The following DHX57 variants were observed in gnomAD, a reference collection of about 807,000 sequenced individuals.
The protein encoded by DHX57 is DExH-box helicase 57.
DHX57 carries 105 observed loss-of-function variants against 156.2 expected under a neutral mutation model. The observed-to-expected ratio is 0.67, with a 90% CI of 0.57 to 0.79. DHX57 has a LOEUF of 0.79. Ranked by LOEUF, DHX57 falls within the 30% of genes least tolerant of loss-of-function variation. The probability of loss-of-function intolerance (pLI) is 0.00; values close to 1 mark genes in which losing one functional copy is unlikely to be tolerated. For missense variants in DHX57, 1,847 were observed against 1,661.9 expected, an observed-to-expected ratio of 1.11 and a Z score of -1.94; for synonymous variants, 704 against 595.6, an observed-to-expected ratio of 1.18 and a Z score of -2.65.
intron 7 of DHX57, among the ~76,000 whole-genome samples, chr2:38,856,073 T>G (rs1672879684): frequency 6.6e-6 from 1 of 152,144 alleles, no homozygotes. Context: ...ATCATGCCAC[T>G]GCACTCCAGC....
intron 12 of DHX57, among the ~76,000 whole-genome samples, chr2:38,839,921 A>G (rs1314292054): frequency 6.6e-6 from 1 of 152,184 alleles, no homozygotes; most frequent in Non-Finnish European, 1.5e-5. Flanking sequence ...CTAATTGAAA[A>G]AAGAAAACTG....
intron 12 of DHX57, among the ~76,000 whole-genome samples, chr2:38,839,438 G>A (rs1446529787): frequency 1.3e-5 from 2 of 151,614 alleles, no homozygotes; most frequent in East Asian, 3.9e-4. Flanking sequence ...TCGGCTGGGC[G>A]CGGTGGCTCA....
At chr2:38,857,019 T>C (rs1672936390) in intron 6 of DHX57, 1 of 153,510 alleles carries the variant, frequency 6.5e-6, no homozygotes, top group African/African-American at 2.4e-5. Flanking sequence ...TTAGCACATA[T>C]CCAGTTCTTC....
chr2:38,839,398 T>C (rs1671859178), intron 12 of DHX57, among the ~76,000 whole-genome samples: 1 of 151,618 alleles, frequency 6.6e-6, no homozygotes, highest in Non-Finnish European at 1.5e-5. Context: ...TATATGATGC[T>C]GAGAAGTTTG....
chr2:38,868,254 C>A lies in DHX57; in HGVS notation c.152G>T (p.Arg51Ile). 6.2e-7 allele frequency: 1 copy of A among 1,614,084 alleles called. No individual in the cohort carries two copies. Among genetic ancestry groups the A allele is most frequent in the Non-Finnish European group, 8.5e-7 (1 of 1,180,020 alleles). The change falls in exon 2 of 24, where the codon AGA (arginine) becomes ATA (isoleucine). Residue 51 changes from arginine (R) to isoleucine (I), a missense_variant. Transcript: ENST00000457308. ...ATCCCATATTCTACTGGAGGCCTTT[C>A]TGTTGCCGCCACCTCCACCACCACC... ...GGGGGGGGGN[R>I]KASSRIWDDG...
At chr2:38,798,561 A>T in intron 23 of DHX57, 119 bp from the exon 24 acceptor site, 1 of 1,170,120 alleles carries the variant, frequency 8.5e-7, no homozygotes, top group Non-Finnish European at 1.2e-6. Context: ...TTTTAACTCC[A>T]TTAGGAGCAA....
chr2:38,861,273 C>T lies in DHX57; in HGVS notation c.1137G>A (p.Glu379=), dbSNP rs779680984. 3 of 1,614,100 alleles carry T rather than the reference C, an allele frequency of 1.9e-6. No individual in the cohort carries two copies. The highest frequency in any genetic ancestry group is 1.6e-4 in the Middle Eastern group (1 of 6,062). ...GTAAACGACAAGCCAGAGGTAGGTTCTCATTGGTGGAATAAAATGCCACGA... is the reference window on the plus strand; with the variant it reads ...GTAAACGACAAGCCAGAGGTAGGTTTTCATTGGTGGAATAAAATGCCACGA... The part of the protein sequence containing the change: ...APLVAFYSTN[E]NLPLACRLHI... The change falls in exon 5 of 24, where the codon GAG becomes GAA. Residue 379 remains glutamate (E), a synonymous_variant. Transcript: ENST00000457308.
chr2:38,818,817 G>A, intron 19 of DHX57, 60 bp downstream of exon 19: 3 of 1,567,980 alleles, frequency 1.9e-6, no homozygotes, highest in Non-Finnish European at 2.6e-6. Flanking sequence ...CAAAGTCGCA[G>A]CACCCTCTGG....
At chr2:38,811,538 G>C (rs566288453) in intron 21 of DHX57, 15 of 1,113,660 alleles carry the variant, frequency 1.3e-5, no homozygotes, top group Middle Eastern at 3.0e-4. Context: ...CTTCCTTCTG[G>C]CCAACATTGG....
intron 18 of DHX57, 43 bp from the exon 19 acceptor site, chr2:38,819,003 G>C: frequency 1.2e-6 from 2 of 1,614,044 alleles, no homozygotes; most frequent in Non-Finnish European, 1.7e-6. Flanking sequence ...TCAGTCTTCA[G>C]TGCCAACACT....
At chr2:38,829,679 G>A (rs529071633) in intron 13 of DHX57, among the ~76,000 whole-genome samples, 4 of 152,044 alleles carry the variant, frequency 2.6e-5, no homozygotes, top group Admixed American at 6.6e-5. Context: ...TTAGCCTCCC[G>A]AGTAGTTGGG....
chr2:38,873,382 G>T (rs1223406685), intron 1 of DHX57, among the ~76,000 whole-genome samples: 2 of 152,170 alleles, frequency 1.3e-5, no homozygotes, highest in Admixed American at 1.3e-4. Context: ...GAAAAAATTT[G>T]GGAAACTCAC....
chr2:38,823,430 G>C (rs1397734254), intron 16 of DHX57, among the ~76,000 whole-genome samples, 161 bp from the exon 17 acceptor site: 1 of 152,168 alleles, frequency 6.6e-6, no homozygotes, highest in Non-Finnish European at 1.5e-5. Flanking sequence ...AACACTTTCA[G>C]ATTCTGAAAC....
chr2:38,806,818 C>T (rs889035047), intron 21 of DHX57, 125 bp from the exon 22 acceptor site: 1 of 933,362 alleles, frequency 1.1e-6, no homozygotes. Flanking sequence ...CTGTTTGTTC[C>T]CTTTCTTTCT....
intron 22 of DHX57, chr2:38,806,266 C>T (rs754876798): frequency 3.3e-6 from 1 of 299,490 alleles, no homozygotes; most frequent in Non-Finnish European, 6.1e-6. Context: ...TTTTAAGGCA[C>T]AGATTCAGTG....
intron 13 of DHX57, among the ~76,000 whole-genome samples, chr2:38,832,212 G>T (rs1289485676): frequency 2.6e-5 from 4 of 152,028 alleles, no homozygotes; most frequent in Non-Finnish European, 1.5e-5. Flanking sequence ...AGGCCAACAC[G>T]GGCAGATCAT....
rs763544229 is a variant in DHX57 at position 38,802,921 on chromosome 2, A to C, written c.3817-6T>G. 2 of 1,614,062 alleles carry C rather than the reference A, an allele frequency of 1.2e-6. No homozygotes were observed. The highest frequency in any genetic ancestry group is 1.7e-5 in the Admixed American group (1 of 60,000). ...GGGCTGTCAAAGTGTCTCACCTGTA[A>C]CAAAAAACCTCAGATGATGACAGTG... On this transcript the variant is annotated splice_region_variant and splice_polypyrimidine_tract_variant and intron_variant, in intron 22 of 23. Transcript: ENST00000457308.
At chr2:38,809,508 C>CTGGA (rs1283642874) in intron 21 of DHX57, among the ~76,000 whole-genome samples, 1 of 149,040 alleles carries the variant, frequency 6.7e-6, no homozygotes, top group East Asian at 2.0e-4. Context: ...GTCACCCAGG[C>CTGGA]TGGAGTGTGG....
At chr2:38,827,242 T>C (rs908249223) in intron 14 of DHX57, among the ~76,000 whole-genome samples, 3 of 151,718 alleles carry the variant, frequency 2.0e-5, no homozygotes, top group African/African-American at 7.3e-5. Context: ...GGGAAAAATG[T>C]TGGAGTGTAA....
Sources: gnomAD v4.1 joint callset for allele counts (sites outside exome capture counted in the v4.1 genomes callset) on GRCh38, gnomAD v4.1.1 for gene constraint, MANE v1.5 for transcripts, NCBI Gene and HGNC (gene_info 2026-07-23, HGNC 2026-07-21) for gene names.